The following SORCS3 variants were observed in gnomAD, a reference collection of about 807,000 sequenced individuals.
SORCS3 encodes sortilin related VPS10 domain containing receptor 3.
In SORCS3, 57 loss-of-function variants were observed where a neutral mutation model predicts 146.3. That is an observed-to-expected ratio of 0.39 (90% confidence interval 0.31 to 0.49). The LOEUF is 0.49. Among genes scored for constraint, SORCS3 ranks in the 20% least tolerant of loss-of-function variants. SORCS3 has a pLI of 0.92. For missense variants in SORCS3, 1,341 were observed against 1,575.5 expected (o/e 0.85, Z 2.52); for synonymous variants, 653 against 618.5 (o/e 1.06, Z -0.83).
chr10:104,972,546 G>A (rs964305924), intron 3 of SORCS3, among the ~76,000 whole-genome samples: 1 of 152,120 alleles, frequency 6.6e-6, no homozygotes, highest in African/African-American at 2.4e-5. Context: ...ATGGCAGTGG[G>A]GGAGGGAGCT....
At chr10:105,204,782 T>A (rs1298763933) in intron 16 of SORCS3, among the ~76,000 whole-genome samples, 1 of 152,200 alleles carries the variant, frequency 6.6e-6, no homozygotes, top group African/African-American at 2.4e-5. Flanking sequence ...TACTGAAATT[T>A]CTGAATTATT....
intron 1 of SORCS3, among the ~76,000 whole-genome samples, chr10:104,720,570 G>A (rs1034670884): frequency 6.6e-5 from 10 of 152,180 alleles, no homozygotes; most frequent in South Asian, 4.1e-4. Flanking sequence ...CACAATGGTC[G>A]AACTAGTTTA....
chr10:105,216,344 C>T (rs1333784602), intron 18 of SORCS3, among the ~76,000 whole-genome samples: 2 of 152,032 alleles, frequency 1.3e-5, no homozygotes, highest in Non-Finnish European at 2.9e-5. Context: ...GGTAACATAG[C>T]AAATACTCAA....
intron 1 of SORCS3, chr10:104,665,711 A>G (rs1222055851): frequency 6.6e-6 from 1 of 152,106 alleles, no homozygotes; most frequent in Non-Finnish European, 1.5e-5. Flanking sequence ...CCTTAGTATA[A>G]ACTCTCCTCT....
intron 9 of SORCS3, among the ~76,000 whole-genome samples, chr10:105,156,520 C>G (rs1250903913): frequency 6.6e-6 from 1 of 152,124 alleles, no homozygotes; most frequent in Non-Finnish European, 1.5e-5. Flanking sequence ...TCTCATGGAT[C>G]CTTTGCCAGC....
chr10:104,727,900 G>A (rs1263740324), intron 1 of SORCS3, among the ~76,000 whole-genome samples: 1 of 152,096 alleles, frequency 6.6e-6, no homozygotes, highest in Non-Finnish European at 1.5e-5. Context: ...ATCTGAGATG[G>A]AATAGTTTCA....
chr10:105,125,612 T>C (rs1000759046), intron 7 of SORCS3, among the ~76,000 whole-genome samples: 1 of 151,162 alleles, frequency 6.6e-6, no homozygotes, highest in Non-Finnish European at 1.5e-5. Context: ...TAAGGGACAA[T>C]GAGTAAGTAC....
At chr10:104,887,229 G>A (rs1399847833) in intron 2 of SORCS3, among the ~76,000 whole-genome samples, 1 of 152,318 alleles carries the variant, frequency 6.6e-6, no homozygotes, top group African/African-American at 2.4e-5. Flanking sequence ...ATTGTGGACT[G>A]CAGTGGTTGG....
At chr10:105,173,075 T>G (rs1237675657) in intron 13 of SORCS3, among the ~76,000 whole-genome samples, 3 of 152,110 alleles carry the variant, frequency 2.0e-5, no homozygotes, top group African/African-American at 4.8e-5. Flanking sequence ...CATCAAAAGG[T>G]CTTCTTAACA....
At chr10:105,014,733 T>C (rs545636149) in intron 4 of SORCS3, among the ~76,000 whole-genome samples, 4 of 152,292 alleles carry the variant, frequency 2.6e-5, no homozygotes, top group Non-Finnish European at 5.9e-5. Context: ...TGATGATATT[T>C]AGGAGGTGGG....
At chr10:105,140,577 G>T (rs1037131715) in intron 8 of SORCS3, among the ~76,000 whole-genome samples, 1 of 152,184 alleles carries the variant, frequency 6.6e-6, no homozygotes, top group Non-Finnish European at 1.5e-5. Context: ...AGTGAGGGCA[G>T]TTTCCTAGAA....
Position 105,082,078 on chromosome 10 carries a change from C to T in SORCS3, c.1029-7697C>T, listed in dbSNP as rs370398542. Among the ~76,000 whole-genome samples, 330 of 152,308 alleles carry T rather than the reference C, an allele frequency of 2.2e-3. 1 individual carries two copies. The highest frequency in any genetic ancestry group is 7.4e-3 in the African/African-American group (308 of 41,556). On this transcript the variant is annotated intron_variant, in intron 5 of 26. Transcript: ENST00000369701. ...AGTGCTATAATAGGATCAATTGATA[C>T]ACTATCCAGTGAAAGCCTGTGAGGT...
chr10:105,008,838 G>T (rs2055113822), intron 4 of SORCS3, among the ~76,000 whole-genome samples: 1 of 152,048 alleles, frequency 6.6e-6, no homozygotes, highest in East Asian at 1.9e-4. Context: ...GTAGAGACAG[G>T]GTTTCACCAT....
chr10:104,905,955 A>C (rs561914522), intron 2 of SORCS3, among the ~76,000 whole-genome samples: 23 of 152,298 alleles, frequency 1.5e-4, no homozygotes, highest in Non-Finnish European at 2.6e-4. Flanking sequence ...AAAATATTTA[A>C]AGATGAGTGG....
At chr10:105,107,507 AT>A (rs941070935) in intron 7 of SORCS3, among the ~76,000 whole-genome samples, 2 of 152,262 alleles carry the variant, frequency 1.3e-5, no homozygotes, top group African/African-American at 4.8e-5. Flanking sequence ...AGATACACAG[AT>A]TTTTTTAAAA....
chr10:104,970,694 T>A (rs2054855947), intron 3 of SORCS3, among the ~76,000 whole-genome samples: 1 of 152,312 alleles, frequency 6.6e-6, no homozygotes, highest in African/African-American at 2.4e-5. Context: ...TAGTGATGAC[T>A]TATTTCAATG....
At chr10:104,686,175 G>T (rs562766140) in intron 1 of SORCS3, among the ~76,000 whole-genome samples, 1 of 152,280 alleles carries the variant, frequency 6.6e-6, no homozygotes, top group South Asian at 2.1e-4. Flanking sequence ...AGAAGGTCAG[G>T]TTGGAGGGTA....
chr10:105,049,422 T>G (rs2055396256), intron 5 of SORCS3, among the ~76,000 whole-genome samples: 1 of 152,032 alleles, frequency 6.6e-6, no homozygotes, highest in East Asian at 1.9e-4. Flanking sequence ...TATCATAGCT[T>G]TTCTTATGTA....
intron 7 of SORCS3, among the ~76,000 whole-genome samples, chr10:105,134,804 C>A (rs1409715680): frequency 1.3e-5 from 2 of 152,120 alleles, no homozygotes; most frequent in East Asian, 3.9e-4. Flanking sequence ...CGTTTCATCC[C>A]AATAGCTTCA....
Sources: gnomAD v4.1 joint callset for allele counts (sites outside exome capture counted in the v4.1 genomes callset) on GRCh38, gnomAD v4.1.1 for gene constraint, MANE v1.5 for transcripts, NCBI Gene and HGNC (gene_info 2026-07-23, HGNC 2026-07-21) for gene names.